Variants in MAP2K4 observed in about 807,000 individuals in gnomAD.
MAP2K4 encodes the protein dual specificity mitogen-activated protein kinase kinase 4.
Under a neutral mutation model 48.5 loss-of-function variants are expected in MAP2K4, and 4 were observed. The ratio of observed to expected loss-of-function variants is 0.08; its 90% CI spans 0.04 to 0.19. The LOEUF (loss-of-function observed/expected upper bound fraction) is 0.19, where lower values mean the gene tolerates loss of function less well. Among genes scored for constraint, MAP2K4 ranks in the 10% least tolerant of loss-of-function variants. MAP2K4 has a pLI of 1.00. For missense variants in MAP2K4, 258 were observed against 493.3 expected (o/e 0.52, Z 4.52); for synonymous variants, 166 against 173.1 (o/e 0.96, Z 0.32).
rs1215696937 is a variant in MAP2K4, at chr17:12,069,932, T to C, written c.219-11424T>C. 135 of 90,092 alleles carry C rather than the reference T, an allele frequency of 1.5e-3. 10 individuals carry two copies. The highest frequency in any genetic ancestry group is 9.4e-3 in the Middle Eastern group (2 of 212). 5.6% of individuals were successfully genotyped at this position (90,092 alleles called of 1,614,324 possible). On this transcript the variant is annotated intron_variant, in intron 2 of 10. Transcript: ENST00000353533. ...ATATATATATATATATATATATATA[T>C]ATATATATATATATATATATGCATG...
At position 12,099,204 on chromosome 17, in the gene MAP2K4, G is replaced by A. The variant is rs1971854910; in HGVS notation, c.513+3510G>A. ...AAAGATAATGGCCTCCAGTGTATCC[G>A]TGTTGCTACAAAAAAAAAAAAACAT... On this transcript the variant is annotated intron_variant, in intron 4 of 10. Coordinates refer to ENST00000353533, the MANE Select transcript of MAP2K4 (RefSeq NM_003010.4). Among the ~76,000 whole-genome samples, 3 of 147,810 alleles carry A rather than the reference G, an allele frequency of 2.0e-5. No homozygotes were observed. The South Asian group carries it at 6.4e-4, about 32-fold the overall frequency.
chr17:12,027,771 AG>A (rs1969305094), intron 1 of MAP2K4, among the ~76,000 whole-genome samples: 1 of 152,022 alleles, frequency 6.6e-6, no homozygotes, highest in Non-Finnish European at 1.5e-5. Flanking sequence ...GTGCCTAGGA[AG>A]GGTTGTGGCA....
intron 2 of MAP2K4, among the ~76,000 whole-genome samples, chr17:12,080,885 C>G (rs1316062989): frequency 6.6e-6 from 1 of 152,174 alleles, no homozygotes; most frequent in Non-Finnish European, 1.5e-5. Flanking sequence ...TAAGGTACAG[C>G]AAACCTTGGG....
At chr17:12,062,566 C>T (rs1192348399) in intron 2 of MAP2K4, among the ~76,000 whole-genome samples, 1 of 152,148 alleles carries the variant, frequency 6.6e-6, no homozygotes, top group Non-Finnish European at 1.5e-5. Flanking sequence ...CGAACTCAAG[C>T]TATCTTCCTG....
At chr17:12,118,133 G>A (rs1972561580) in intron 7 of MAP2K4, among the ~76,000 whole-genome samples, 1 of 152,164 alleles carries the variant, frequency 6.6e-6, no homozygotes, top group South Asian at 2.1e-4. Flanking sequence ...TAAAGCATCT[G>A]CTGATCATGA....
chr17:12,116,205 T>C (rs1972487569), intron 7 of MAP2K4, among the ~76,000 whole-genome samples: 1 of 152,342 alleles, frequency 6.6e-6, no homozygotes, highest in East Asian at 1.9e-4. Context: ...TTCCATACTT[T>C]ATACTTTTGT....
At chr17:12,105,951 T>C (rs754750055) in intron 4 of MAP2K4, among the ~76,000 whole-genome samples, 1 of 152,128 alleles carries the variant, frequency 6.6e-6, no homozygotes, top group Admixed American at 6.6e-5. Context: ...CCAGGCACTT[T>C]AGTTTGTGCT....
intron 8 of MAP2K4, among the ~76,000 whole-genome samples, chr17:12,127,952 C>T (rs1972902481): frequency 1.3e-5 from 2 of 152,226 alleles, no homozygotes; most frequent in South Asian, 2.1e-4. Context: ...TGCCATCTTC[C>T]TCTGTAATAT....
chr17:12,039,951 T>C (rs1233789201), intron 1 of MAP2K4, among the ~76,000 whole-genome samples: 2 of 152,232 alleles, frequency 1.3e-5, no homozygotes, highest in Non-Finnish European at 1.5e-5. Context: ...TACCTTTAAC[T>C]GGTAGTTACA....
chr17:12,025,024 G>C (rs978031877), intron 1 of MAP2K4, among the ~76,000 whole-genome samples: 12 of 152,336 alleles, frequency 7.9e-5, no homozygotes, highest in Admixed American at 3.9e-4. Context: ...TGCCAGTTGA[G>C]AATTCAACAG....
intron 7 of MAP2K4, among the ~76,000 whole-genome samples, chr17:12,121,060 A>G (rs1408296844): frequency 6.6e-6 from 1 of 152,196 alleles, no homozygotes; most frequent in East Asian, 1.9e-4. Flanking sequence ...CCGAGTCCGG[A>G]ATGATGGTGA....
intron 9 of MAP2K4, 30 bp from the exon 10 acceptor site, chr17:12,139,809 T>C (rs767539712): frequency 6.8e-7 from 1 of 1,472,136 alleles, no homozygotes; most frequent in South Asian, 1.2e-5. Flanking sequence ...GAATCTACAT[T>C]TTAATAATGT....
At chr17:12,061,733 A>G (rs1970453597) in intron 2 of MAP2K4, among the ~76,000 whole-genome samples, 1 of 152,162 alleles carries the variant, frequency 6.6e-6, no homozygotes. Context: ...CTTCTTAGCT[A>G]TTGATGAGTT....
At chr17:12,048,355 G>T (rs745369161) in intron 1 of MAP2K4, among the ~76,000 whole-genome samples, 1 of 152,166 alleles carries the variant, frequency 6.6e-6, no homozygotes, top group Non-Finnish European at 1.5e-5. Context: ...ACACACAAAA[G>T]TGTAAAATGT....
chr17:12,125,682 A>ATT (rs1972830785), intron 8 of MAP2K4, among the ~76,000 whole-genome samples: 4 of 152,218 alleles, frequency 2.6e-5, no homozygotes, highest in African/African-American at 9.6e-5. Flanking sequence ...AAGCCAGCTT[A>ATT]CCTGCAGTCA....
At chr17:12,104,253 G>A (rs1972036112) in intron 4 of MAP2K4, among the ~76,000 whole-genome samples, 1 of 152,106 alleles carries the variant, frequency 6.6e-6, no homozygotes, top group Admixed American at 6.6e-5. Context: ...AAAAGAAAAG[G>A]GAAGAACTAA....
At chr17:12,054,810 G>T in intron 1 of MAP2K4, 79 bp from the exon 2 acceptor site, 1 of 804,386 alleles carries the variant, frequency 1.2e-6, no homozygotes, top group Admixed American at 2.2e-5. Context: ...TTGCCTTTTG[G>T]TGTGACTTTC....
At chr17:12,109,076 G>T (rs1972221489) in intron 5 of MAP2K4, among the ~76,000 whole-genome samples, 2 of 151,924 alleles carry the variant, frequency 1.3e-5, no homozygotes, top group African/African-American at 4.8e-5. Context: ...GTAACTCTCT[G>T]TGGTAAATAG....
At chr17:12,041,138 T>A (rs1969766247) in intron 1 of MAP2K4, among the ~76,000 whole-genome samples, 1 of 152,262 alleles carries the variant, frequency 6.6e-6, no homozygotes, top group African/African-American at 2.4e-5. Flanking sequence ...ACTTTCAATT[T>A]GTAGAATACA....
Sources: gnomAD v4.1 joint callset for allele counts (sites outside exome capture counted in the v4.1 genomes callset) on GRCh38, gnomAD v4.1.1 for gene constraint, MANE v1.5 for transcripts, NCBI Gene and HGNC (gene_info 2026-07-23, HGNC 2026-07-21) for gene names.